C14orf39: variants seen among roughly 807,000 people sequenced by gnomAD.
The protein encoded by C14orf39 is chromosome 14 open reading frame 39, also known as protein SIX6OS1.
In C14orf39, 66 loss-of-function variants were observed where a neutral mutation model predicts 85.6. The observed-to-expected ratio is 0.77, with a 90% CI of 0.63 to 0.95. C14orf39 has a LOEUF of 0.95. Ranked by LOEUF, C14orf39 falls within the 40% of genes least tolerant of loss-of-function variation. The pLI is 0.00. For synonymous variants in C14orf39, 242 were observed against 214.0 expected (o/e 1.13, Z -1.14); for missense variants, 735 against 663.9 (o/e 1.11, Z -1.18).
At chr14:60,486,206 G>GTTT (rs1018822487), upstream of C14orf39, 1 of 152,242 alleles carries the variant, frequency 6.6e-6, no homozygotes, top group African/African-American at 2.4e-5. Context: ...TTCTTCGCGG[G>GTTT]TGGAAGCGCG....
chr14:60,460,632 TAC>T (rs1311087009), intron 13 of C14orf39, among the ~76,000 whole-genome samples: 10 of 151,832 alleles, frequency 6.6e-5, no homozygotes, highest in Non-Finnish European at 1.3e-4. Context: ...ACATTATATA[TAC>T]ATTCACTCAC....
At chr14:60,500,702 AT>A (rs1566688706) in intron 1 of C14orf39, among the ~76,000 whole-genome samples, 4 of 152,140 alleles carry the variant, frequency 2.6e-5, no homozygotes, top group African/African-American at 9.7e-5. Flanking sequence ...AGGGGAAAAA[AT>A]GTGTGTCTCT....
chr14:60,468,621 T>C (rs1891914495), intron 8 of C14orf39, 85 bp from the exon 9 acceptor site: 2 of 682,610 alleles, frequency 2.9e-6, no homozygotes, highest in Non-Finnish European at 4.6e-6. Flanking sequence ...GTTTTTTCTA[T>C]ATAATCATAA....
chr14:60,442,998 C>T (rs1006341925), intron 16 of C14orf39, among the ~76,000 whole-genome samples: 15 of 152,028 alleles, frequency 9.9e-5, no homozygotes, highest in African/African-American at 2.9e-4. Context: ...TTTACATCTT[C>T]GTCATTTTGC....
intron 16 of C14orf39, among the ~76,000 whole-genome samples, chr14:60,444,478 A>C (rs913715388): frequency 2.6e-5 from 4 of 152,246 alleles, no homozygotes; most frequent in African/African-American, 9.6e-5. Flanking sequence ...AATGAAATAA[A>C]GCAAGAAGAC....
intron 4 of C14orf39, among the ~76,000 whole-genome samples, chr14:60,479,000 C>A (rs1414262391): frequency 1.3e-5 from 2 of 151,998 alleles, no homozygotes; most frequent in South Asian, 2.1e-4. Context: ...TATACCATGG[C>A]GGCTTCCAGT....
chr14:60,503,852 G>A (rs1893174010), intron 1 of C14orf39, among the ~76,000 whole-genome samples: 1 of 152,202 alleles, frequency 6.6e-6, no homozygotes, highest in African/African-American at 2.4e-5. Context: ...AAAGTGCTCT[G>A]AGTCCTTTGT....
chr14:60,503,242 C>A (rs1179643385), intron 1 of C14orf39, among the ~76,000 whole-genome samples: 1 of 152,144 alleles, frequency 6.6e-6, no homozygotes, highest in East Asian at 1.9e-4. Context: ...CAACAAAAAT[C>A]CCAGAGACAC....
chr14:60,462,471 C>T (rs1454844774), intron 11 of C14orf39, among the ~76,000 whole-genome samples: 1 of 152,108 alleles, frequency 6.6e-6, no homozygotes, highest in African/African-American at 2.4e-5. Context: ...CCTTGAATCA[C>T]TCATTTTAAA....
At chr14:60,442,275 CTTAAAAAGAT>C in intron 16 of C14orf39, 144 bp from the exon 17 acceptor site, 1 of 476,422 alleles carries the variant, frequency 2.1e-6, no homozygotes, top group South Asian at 5.2e-5. Flanking sequence ...CACTCTTATA[CTTAAAAAGAT>C]CTATCTTCAA....
intron 15 of C14orf39, among the ~76,000 whole-genome samples, chr14:60,456,381 A>G (rs1441522998): frequency 6.6e-6 from 1 of 151,788 alleles, no homozygotes. Flanking sequence ...TTAATTGATG[A>G]TAAGTCTACA....
chr14:60,503,261 T>C (rs1237501429), intron 1 of C14orf39, among the ~76,000 whole-genome samples: 2 of 152,166 alleles, frequency 1.3e-5, no homozygotes, highest in African/African-American at 2.4e-5. Context: ...ACATTTTTGA[T>C]TCAAGGGTTT....
chr14:60,476,344 T>A (rs924729757), intron 5 of C14orf39, among the ~76,000 whole-genome samples: 2 of 152,180 alleles, frequency 1.3e-5, no homozygotes, highest in African/African-American at 4.8e-5. Context: ...CATAGCTAAG[T>A]CATAGTTAAA....
At chr14:60,440,512 C>T (rs1297777227) in intron 17 of C14orf39, among the ~76,000 whole-genome samples, 1 of 152,178 alleles carries the variant, frequency 6.6e-6, no homozygotes, top group African/African-American at 2.4e-5. Flanking sequence ...ACTTCTACTA[C>T]TACTACTCAT....
intron 16 of C14orf39, among the ~76,000 whole-genome samples, chr14:60,445,380 G>A (rs1472002533): frequency 6.6e-6 from 1 of 152,000 alleles, no homozygotes; most frequent in Admixed American, 6.6e-5. Context: ...GATATACCAA[G>A]CAAACTGAAA....
intron 5 of C14orf39, among the ~76,000 whole-genome samples, chr14:60,477,337 T>A (rs959394731): frequency 6.6e-6 from 1 of 152,184 alleles, no homozygotes; most frequent in African/African-American, 2.4e-5. Context: ...ATATATAGAG[T>A]ATTGCATTCT....
chr14:60,442,122 G>T lies in C14orf39; in HGVS notation c.1513C>A (p.His505Asn). 6.2e-7 allele frequency: 1 copy of T among 1,603,414 alleles called. No individual in the cohort carries two copies. Among genetic ancestry groups the T allele is most frequent in the Non-Finnish European group, 8.5e-7 (1 of 1,171,066 alleles). Residue 505 changes from histidine to asparagine, a missense_variant, in exon 17 of 18, where the codon CAT becomes AAT. Coordinates refer to ENST00000321731, the MANE Select transcript of C14orf39 (RefSeq NM_174978.3). ...TEISSDQFNE[H>N]YSARNLNPLS... Reference sequence around the variant, plus strand: ...GGATTTAGATTTCTTGCAGAATAATGTTCATTAAACTGGAAAATAATTTCC... The same window carrying T: ...GGATTTAGATTTCTTGCAGAATAATTTTCATTAAACTGGAAAATAATTTCC...
intron 11 of C14orf39, among the ~76,000 whole-genome samples, chr14:60,464,897 T>C (rs2140100440): frequency 6.6e-6 from 1 of 152,244 alleles, no homozygotes; most frequent in South Asian, 2.1e-4. Context: ...CAATGCTTTC[T>C]AACTGTTTTA....
intron 1 of C14orf39, chr14:60,509,887 G>A (rs1893264352): frequency 1.2e-6 from 2 of 1,613,150 alleles, no homozygotes; most frequent in Middle Eastern, 1.6e-4. Context: ...AGCTCGCCCA[G>A]GCAACCGGAC....
Sources: gnomAD v4.1 joint callset for allele counts (sites outside exome capture counted in the v4.1 genomes callset) on GRCh38, gnomAD v4.1.1 for gene constraint, MANE v1.5 for transcripts, NCBI Gene and HGNC (gene_info 2026-07-23, HGNC 2026-07-21) for gene names.